The following ARFGEF2 variants were observed in gnomAD, a reference collection of about 807,000 sequenced individuals.
ARFGEF2 encodes brefeldin A-inhibited guanine nucleotide-exchange protein 2.
A neutral mutation model predicts 219.9 loss-of-function variants in ARFGEF2; 74 were observed. The observed-to-expected ratio is 0.34, with a 90% CI of 0.28 to 0.41. The LOEUF is 0.41. ARFGEF2 is among the 10% of genes least tolerant of loss of function. The pLI is 1.00. For synonymous variants in ARFGEF2, 733 were observed against 799.2 expected (o/e 0.92, Z 1.40); for missense variants, 1,743 against 2,218.3 (o/e 0.79, Z 4.30).
At chr20:48,930,257 C>A (rs909145115) in intron 1 of ARFGEF2, among the ~76,000 whole-genome samples, 44 of 152,292 alleles carry the variant, frequency 2.9e-4, no homozygotes, top group African/African-American at 1.0e-3. Context: ...ACGTATTAGT[C>A]CATTCATGAG....
At chr20:49,019,663 T>C (rs1464595937) in intron 34 of ARFGEF2, among the ~76,000 whole-genome samples, 1 of 152,250 alleles carries the variant, frequency 6.6e-6, no homozygotes, top group Non-Finnish European at 1.5e-5. Context: ...CTATTACATT[T>C]GTAGCTGTTT....
chr20:48,937,444 T>C (rs1039270391), intron 1 of ARFGEF2, among the ~76,000 whole-genome samples: 6 of 152,190 alleles, frequency 3.9e-5, no homozygotes, highest in Non-Finnish European at 7.4e-5. Flanking sequence ...CAAGTCTTTT[T>C]ACCATGTTGC....
intron 25 of ARFGEF2, among the ~76,000 whole-genome samples, chr20:49,002,937 C>T (rs1482128394): frequency 2.6e-5 from 4 of 151,158 alleles, no homozygotes; most frequent in East Asian, 3.9e-4. Flanking sequence ...TGAGCCACCA[C>T]GCTTGGCCCA....
At chr20:48,922,171 C>A (rs2090846546) in intron 1 of ARFGEF2, among the ~76,000 whole-genome samples, 161 bp downstream of exon 1, 1 of 152,248 alleles carries the variant, frequency 6.6e-6, no homozygotes, top group South Asian at 2.1e-4. Flanking sequence ...GGAAGTGTTG[C>A]CCGGGCAGCT....
intron 1 of ARFGEF2, among the ~76,000 whole-genome samples, chr20:48,936,458 C>A (rs1426203451): frequency 7.0e-6 from 1 of 143,246 alleles, no homozygotes; most frequent in African/African-American, 2.6e-5. Context: ...TCAGACGGGG[C>A]GGCTGCCGGG....
intron 23 of ARFGEF2, among the ~76,000 whole-genome samples, chr20:48,996,612 C>T (rs563426918): frequency 6.6e-6 from 1 of 150,518 alleles, no homozygotes; most frequent in East Asian, 2.0e-4. Context: ...GGCATGGTGA[C>T]GCATGCCAGT....
rs961436174 is a variant in ARFGEF2, at chr20:48,953,883, A to T, written c.838+93A>T. On this transcript the variant is annotated intron_variant, in intron 6 of 38. Coordinates refer to ENST00000371917, the MANE Select transcript of ARFGEF2 (RefSeq NM_006420.3). ...AAGTGTATGTCATAACATCTGAAGGAAACCTCTGATAACAGCTTATCTCTT... is the reference window on the plus strand; with the variant it reads ...AAGTGTATGTCATAACATCTGAAGGTAACCTCTGATAACAGCTTATCTCTT... 1.2e-5 allele frequency: 15 copies of T among 1,240,948 alleles called. No homozygotes were observed. In the African/African-American group the frequency reaches 1.9e-4, roughly 16 times the overall value. 76.9% of individuals were successfully genotyped at this position (1,240,948 alleles called of 1,614,324 possible). A position where few individuals can be genotyped will look rare whatever the true frequency, so the allele number is the denominator to read the frequency against.
chr20:48,957,050 A>AT (rs1055319636), intron 6 of ARFGEF2, among the ~76,000 whole-genome samples: 1 of 151,734 alleles, frequency 6.6e-6, no homozygotes, highest in Non-Finnish European at 1.5e-5. Context: ...GACTCCTCCC[A>AT]TTTTTTCCCC....
chr20:48,987,020 CTG>C (rs946808720), intron 16 of ARFGEF2, among the ~76,000 whole-genome samples: 1 of 152,174 alleles, frequency 6.6e-6, no homozygotes, highest in Non-Finnish European at 1.5e-5. Context: ...ATTTTAATAA[CTG>C]TTTTGCCTCT....
intron 21 of ARFGEF2, among the ~76,000 whole-genome samples, chr20:48,992,124 A>G (rs1020211259): frequency 3.3e-5 from 5 of 152,314 alleles, no homozygotes; most frequent in Non-Finnish European, 7.4e-5. Context: ...AAGAAGATAA[A>G]AGATGATTTT....
At chr20:48,938,148 C>T (rs1047477421) in intron 1 of ARFGEF2, among the ~76,000 whole-genome samples, 1 of 152,184 alleles carries the variant, frequency 6.6e-6, no homozygotes, top group Non-Finnish European at 1.5e-5. Flanking sequence ...TGATTTTCAT[C>T]TATAAAATTT....
intron 22 of ARFGEF2, among the ~76,000 whole-genome samples, chr20:48,995,566 G>A (rs2091380839): frequency 2.6e-5 from 4 of 152,260 alleles, no homozygotes; most frequent in Middle Eastern, 3.4e-3. Context: ...TAGATGGTTG[G>A]TAGAAACAAG....
At chr20:48,974,532 T>C (rs1388879894) in intron 12 of ARFGEF2, among the ~76,000 whole-genome samples, 1 of 152,152 alleles carries the variant, frequency 6.6e-6, no homozygotes, top group African/African-American at 2.4e-5. Context: ...AAAACACATA[T>C]CCCATATTTT....
At chr20:49,029,902 A>ATTT (rs3092436) in intron 37 of ARFGEF2, among the ~76,000 whole-genome samples, 8 of 97,784 alleles carry the variant, frequency 8.2e-5, no homozygotes, top group Non-Finnish European at 1.2e-4. Context: ...CTAAAAGTGA[A>ATTT]TTTTTTTTTT....
chr20:48,924,529 A>G (rs2090864281), intron 1 of ARFGEF2, among the ~76,000 whole-genome samples: 1 of 151,758 alleles, frequency 6.6e-6, no homozygotes, highest in South Asian at 2.1e-4. Context: ...AAAAAAAAAA[A>G]AAAGGCTGAA....
At position 49,017,348 on chromosome 20, in the gene ARFGEF2, A is replaced by G. The variant is rs371481572; in HGVS notation, c.4415A>G (p.Asn1472Ser). 1.9e-6 allele frequency: 3 copies of G among 1,613,994 alleles called. No homozygotes were observed. The highest frequency in any genetic ancestry group is 2.5e-6 in the Non-Finnish European group (3 of 1,180,000). The change falls in exon 32 of 39, where the codon AAC (asparagine) becomes AGC (serine). Residue 1472 changes from asparagine to serine, a missense_variant. This residue lies in a region of ARFGEF2 where 578 missense variants were observed against 664.0 expected (regional missense o/e 0.87). Transcript: ENST00000371917. ...FSPEVWDETC[N>S]CMLDIFKTTI... ...CCTGAAGTCTGGGATGAAACCTGCAACTGTATGTTGGATATTTTCAAAACA... is the reference window on the plus strand; with the variant it reads ...CCTGAAGTCTGGGATGAAACCTGCAGCTGTATGTTGGATATTTTCAAAACA...
chr20:48,953,937 A>G, intron 6 of ARFGEF2, 147 bp downstream of exon 6: 1 of 871,024 alleles, frequency 1.1e-6, no homozygotes, highest in East Asian at 2.6e-5. Context: ...CTTTTCTCTT[A>G]GGGAACACAA....
chr20:49,010,610 G>A (rs917952322), intron 27 of ARFGEF2, among the ~76,000 whole-genome samples: 3 of 152,096 alleles, frequency 2.0e-5, no homozygotes, highest in South Asian at 4.2e-4. Flanking sequence ...TCTCTAAATG[G>A]CCTTTCCTGT....
At chr20:48,970,642 A>G (rs2091221047) in intron 9 of ARFGEF2, among the ~76,000 whole-genome samples, 1 of 152,168 alleles carries the variant, frequency 6.6e-6, no homozygotes, top group South Asian at 2.1e-4. Flanking sequence ...AAAATAAAAT[A>G]AAAATAAGTG....
Sources: gnomAD v4.1 joint callset for allele counts (sites outside exome capture counted in the v4.1 genomes callset) on GRCh38, gnomAD v4.1.1 for gene constraint, gnomAD v4.1.1 regional missense constraint, MANE v1.5 for transcripts, NCBI Gene and HGNC (gene_info 2026-07-23, HGNC 2026-07-21) for gene names.